Variants in SPAG16 observed in about 807,000 individuals in gnomAD.
SPAG16 encodes the protein sperm-associated antigen 16 protein.
A neutral mutation model predicts 80.4 loss-of-function variants in SPAG16; 86 were observed. The observed-to-expected ratio is 1.07, with a 90% CI of 0.90 to 1.28. The LOEUF (loss-of-function observed/expected upper bound fraction) is 1.28. SPAG16 is among the 50% of genes most tolerant of loss of function. The pLI, the probability that SPAG16 is intolerant of heterozygous loss-of-function variation, is 0.00. For synonymous variants in SPAG16, 294 were observed against 265.9 expected (o/e 1.11, Z -1.03); for missense variants, 870 against 765.3 (o/e 1.14, Z -1.61).
At chr2:213,935,565 A>C (rs1204182206) in intron 12 of SPAG16, among the ~76,000 whole-genome samples, 1 of 152,206 alleles carries the variant, frequency 6.6e-6, no homozygotes, top group Non-Finnish European at 1.5e-5. Flanking sequence ...CATGGAGGTA[A>C]TGCTTGTAAG....
At chr2:213,835,501 G>C (rs1009980999) in intron 10 of SPAG16, among the ~76,000 whole-genome samples, 2 of 152,038 alleles carry the variant, frequency 1.3e-5, no homozygotes, top group Non-Finnish European at 2.9e-5. Flanking sequence ...TTTATGCCCT[G>C]GTCACATTTC....
At chr2:214,299,872 G>A (rs1694426207) in intron 15 of SPAG16, among the ~76,000 whole-genome samples, 2 of 152,068 alleles carry the variant, frequency 1.3e-5, no homozygotes, top group South Asian at 2.1e-4. Flanking sequence ...GTGTTTCTGG[G>A]CCTATTAGAA....
chr2:213,669,888 T>A (rs1010524849), intron 10 of SPAG16, among the ~76,000 whole-genome samples: 2 of 152,222 alleles, frequency 1.3e-5, no homozygotes, highest in Admixed American at 6.5e-5. Flanking sequence ...AGAAAAGCTG[T>A]TTACTCAGCA....
chr2:213,396,720 G>T (rs906780012), intron 9 of SPAG16: 1 of 444,422 alleles, frequency 2.3e-6, no homozygotes, highest in Non-Finnish European at 4.5e-6. Context: ...ACATTTGTCA[G>T]CAGGAGCCAA....
chr2:213,426,345 C>T (rs1443708722), intron 9 of SPAG16, among the ~76,000 whole-genome samples: 1 of 151,926 alleles, frequency 6.6e-6, no homozygotes, highest in African/African-American at 2.4e-5. Flanking sequence ...AAACGATTCT[C>T]ATTTGAGATT....
chr2:213,891,593 G>T (rs1323846197), intron 11 of SPAG16, among the ~76,000 whole-genome samples: 2 of 152,052 alleles, frequency 1.3e-5, no homozygotes, highest in African/African-American at 2.4e-5. Flanking sequence ...ATCATAGGAG[G>T]CTTCCAGTTC....
intron 5 of SPAG16, among the ~76,000 whole-genome samples, chr2:213,329,552 G>A (rs772120320): frequency 2.6e-5 from 4 of 152,152 alleles, no homozygotes; most frequent in Admixed American, 1.3e-4. Flanking sequence ...GCATCAAAGC[G>A]TTCAAGAGGT....
intron 10 of SPAG16, among the ~76,000 whole-genome samples, chr2:213,705,163 G>A (rs896122399): frequency 1.6e-4 from 24 of 152,092 alleles, no homozygotes; most frequent in African/African-American, 4.3e-4. Context: ...CAGGAGAATC[G>A]TGTGAACCTG....
chr2:213,827,948 C>T (rs10204125), intron 10 of SPAG16, among the ~76,000 whole-genome samples: 53,097 of 151,842 alleles, frequency 0.35, 9,877 homozygotes, highest in East Asian at 0.51. Context: ...TCTCTTTATC[C>T]TTGATCTTTG....
At chr2:214,084,581 C>T (rs1047991508) in intron 13 of SPAG16, among the ~76,000 whole-genome samples, 1 of 152,164 alleles carries the variant, frequency 6.6e-6, no homozygotes, top group Non-Finnish European at 1.5e-5. Context: ...GTGTTTTAGG[C>T]TTCAGATCCT....
At chr2:214,323,611 A>C (rs1047345678) in intron 15 of SPAG16, among the ~76,000 whole-genome samples, 1 of 152,186 alleles carries the variant, frequency 6.6e-6, no homozygotes, top group Non-Finnish European at 1.5e-5. Context: ...AACTGCAGCG[A>C]GTTGGACTTA....
At chr2:214,248,287 A>ATAT (rs71975870) in intron 15 of SPAG16, among the ~76,000 whole-genome samples, 7,789 of 138,406 alleles carry the variant, frequency 0.056, 239 homozygotes, top group South Asian at 0.064. Context: ...TACTATTCTT[A>ATAT]TATTATTATT....
chr2:213,799,960 GAAAAA>G (rs11296127), intron 10 of SPAG16, among the ~76,000 whole-genome samples: 1 of 130,588 alleles, frequency 7.7e-6, no homozygotes, highest in Admixed American at 7.5e-5. Context: ...AGACTGGATT[GAAAAA>G]AAAAAAAAAA....
At chr2:213,720,652 T>C (rs142785544) in intron 10 of SPAG16, among the ~76,000 whole-genome samples, 1 of 145,520 alleles carries the variant, frequency 6.9e-6, no homozygotes, top group Non-Finnish European at 1.5e-5. Flanking sequence ...CTTAAATAAA[T>C]AAAGAAAAAA....
chr2:214,372,590 A>C (rs1373509835), intron 15 of SPAG16, among the ~76,000 whole-genome samples: 1 of 152,230 alleles, frequency 6.6e-6, no homozygotes, highest in Admixed American at 6.5e-5. Flanking sequence ...AGGTCAGCAC[A>C]TAAGGCCTTT....
chr2:213,368,183 T>G lies in SPAG16; in HGVS notation c.832+4038T>G, dbSNP rs2066421897. Among the ~76,000 whole-genome samples, 8 of 152,344 alleles carry G rather than the reference T, an allele frequency of 5.3e-5. No homozygotes were observed. In the South Asian group the frequency reaches 1.7e-3, roughly 32 times the overall value. On this transcript the variant is annotated intron_variant, in intron 8 of 15. Transcript: ENST00000331683. ...GGTACCAGTACCATGCTGTTTTGGT[T>G]ACTGTAGCCTTGTAGTATAGTTTGA...
intron 12 of SPAG16, among the ~76,000 whole-genome samples, chr2:213,936,993 A>G (rs576810908): frequency 1.1e-4 from 17 of 152,204 alleles, no homozygotes; most frequent in Non-Finnish European, 2.1e-4. Flanking sequence ...TAAGATTGTT[A>G]TGATGAATTA....
At chr2:213,505,289 A>G (rs1487809118) in intron 10 of SPAG16, among the ~76,000 whole-genome samples, 5 of 152,182 alleles carry the variant, frequency 3.3e-5, no homozygotes, top group Non-Finnish European at 7.4e-5. Context: ...AATGAAATTT[A>G]TATGTGGACA....
At chr2:214,373,034 T>C (rs1486245162) in intron 15 of SPAG16, among the ~76,000 whole-genome samples, 2 of 152,176 alleles carry the variant, frequency 1.3e-5, no homozygotes, top group African/African-American at 4.8e-5. Context: ...TCCAAGTCTC[T>C]GGGAAAATCA....
Sources: gnomAD v4.1 joint callset for allele counts (sites outside exome capture counted in the v4.1 genomes callset) on GRCh38, gnomAD v4.1.1 for gene constraint, MANE v1.5 for transcripts, NCBI Gene and HGNC (gene_info 2026-07-23, HGNC 2026-07-21) for gene names.